The following RIMS2 variants were observed in gnomAD, a reference collection of about 807,000 sequenced individuals.
RIMS2 encodes regulating synaptic membrane exocytosis 2.
Under a neutral mutation model 174.4 loss-of-function variants are expected in RIMS2, and 59 were observed. That is an observed-to-expected ratio of 0.34 (90% CI 0.27 to 0.42). The LOEUF (loss-of-function observed/expected upper bound fraction) is 0.42, where lower values mean the gene tolerates loss of function less well. Ranked by LOEUF, RIMS2 falls within the 10% of genes least tolerant of loss-of-function variation. RIMS2 has a pLI of 1.00. For synonymous variants in RIMS2, 606 were observed against 572.5 expected, an observed-to-expected ratio of 1.06 and a Z score of -0.84; for missense variants, 1,620 against 1,666.3, an observed-to-expected ratio of 0.97 and a Z score of 0.48.
intron 19 of RIMS2, among the ~76,000 whole-genome samples, chr8:104,183,703 C>T (rs948518533): frequency 1.3e-5 from 2 of 151,528 alleles, no homozygotes; most frequent in East Asian, 1.9e-4. Context: ...CTGAACAGCT[C>T]ATCAGAGTAT....
intron 1 of RIMS2, among the ~76,000 whole-genome samples, chr8:103,655,933 T>C (rs1000030936): frequency 2.0e-5 from 3 of 152,114 alleles, no homozygotes; most frequent in African/African-American, 7.2e-5. Context: ...ACTTTATGTA[T>C]AAAGAACATA....
intron 3 of RIMS2, among the ~76,000 whole-genome samples, chr8:103,788,979 C>T (rs1317269599): frequency 6.6e-6 from 1 of 152,198 alleles, no homozygotes; most frequent in Admixed American, 6.5e-5. Context: ...CGTGGTGCGC[C>T]GTTTTTTAAG....
At chr8:103,523,585 T>C (rs913421874) in intron 1 of RIMS2, among the ~76,000 whole-genome samples, 4 of 152,102 alleles carry the variant, frequency 2.6e-5, no homozygotes, top group African/African-American at 9.7e-5. Flanking sequence ...ATACTGACAA[T>C]GTAAAGCAGG....
At chr8:103,658,445 A>G (rs2096557499) in intron 1 of RIMS2, among the ~76,000 whole-genome samples, 1 of 152,196 alleles carries the variant, frequency 6.6e-6, no homozygotes, top group Admixed American at 6.5e-5. Flanking sequence ...AGAAAGGAGG[A>G]GCAGAGATAC....
At chr8:104,208,622 A>T (rs562816148) in intron 19 of RIMS2, among the ~76,000 whole-genome samples, 4 of 152,176 alleles carry the variant, frequency 2.6e-5, no homozygotes, top group African/African-American at 7.2e-5. Flanking sequence ...TATCAGTATG[A>T]CATAACAAGA....
intron 19 of RIMS2, among the ~76,000 whole-genome samples, chr8:104,105,249 A>C (rs574000464): frequency 6.6e-6 from 1 of 152,296 alleles, no homozygotes; most frequent in Admixed American, 6.5e-5. Flanking sequence ...CATAAACTGC[A>C]AAGAAATTTA....
intron 2 of RIMS2, among the ~76,000 whole-genome samples, chr8:103,721,707 C>T (rs1161560936): frequency 6.6e-6 from 1 of 152,114 alleles, no homozygotes; most frequent in East Asian, 1.9e-4. Flanking sequence ...TCATGAATAC[C>T]ATTCCATCCA....
intron 3 of RIMS2, among the ~76,000 whole-genome samples, chr8:103,853,269 T>A (rs988162196): frequency 6.6e-6 from 1 of 151,172 alleles, no homozygotes; most frequent in Non-Finnish European, 1.5e-5. Context: ...ACTTTTTAAT[T>A]TTTTTTTGCT....
At chr8:104,211,095 A>C (rs2137696367) in intron 19 of RIMS2, among the ~76,000 whole-genome samples, 1 of 152,354 alleles carries the variant, frequency 6.6e-6, no homozygotes, top group Non-Finnish European at 1.5e-5. Context: ...ACATTAACTC[A>C]ACAAGATAAC....
intron 11 of RIMS2, among the ~76,000 whole-genome samples, chr8:103,928,664 T>C (rs2079258288): frequency 6.6e-6 from 1 of 151,306 alleles, no homozygotes; most frequent in African/African-American, 2.4e-5. Flanking sequence ...TTTTTAAAAT[T>C]AAATTATTCT....
At chr8:103,544,850 A>T (rs1844257268) in intron 1 of RIMS2, among the ~76,000 whole-genome samples, 2 of 152,218 alleles carry the variant, frequency 1.3e-5, no homozygotes, top group Admixed American at 1.3e-4. Context: ...ACCACAATCA[A>T]ACCATCAAGG....
chr8:103,720,570 A>G (rs933663120), intron 2 of RIMS2, among the ~76,000 whole-genome samples: 2 of 152,224 alleles, frequency 1.3e-5, no homozygotes, highest in Admixed American at 6.5e-5. Flanking sequence ...TCATAAAAAA[A>G]TCACAAGTTT....
rs141584831 is a variant in RIMS2 at position 103,534,281 on chromosome 8, C to T, written c.176+33219C>T. Among the ~76,000 whole-genome samples, 4 of 152,290 alleles carry T rather than the reference C, an allele frequency of 2.6e-5. No homozygotes were observed. In the East Asian group the frequency reaches 7.7e-4, roughly 29 times the overall value. On this transcript the variant is annotated intron_variant, in intron 1 of 23. Coordinates refer to ENST00000504942, the Ensembl canonical transcript of RIMS2. Reference sequence around the variant, plus strand: ...CTGTCAATAGTTAAGTAGTGAGCTCCTCATTCCCACACAGATTTTCAGTTG... The same window carrying T: ...CTGTCAATAGTTAAGTAGTGAGCTCTTCATTCCCACACAGATTTTCAGTTG...
intron 3 of RIMS2, among the ~76,000 whole-genome samples, chr8:103,823,486 T>G (rs1035727585): frequency 6.6e-6 from 1 of 151,980 alleles, no homozygotes; most frequent in African/African-American, 2.4e-5. Context: ...ATTATAAAAG[T>G]GAAATGTAAA....
chr8:104,155,357 C>A (rs1464371108), intron 19 of RIMS2, among the ~76,000 whole-genome samples: 5 of 150,490 alleles, frequency 3.3e-5, no homozygotes, highest in Non-Finnish European at 5.9e-5. Flanking sequence ...CTGCCCGCCT[C>A]GGCCTCCCAA....
At chr8:104,094,694 G>T (rs1319065440) in intron 19 of RIMS2, 2 of 694,138 alleles carry the variant, frequency 2.9e-6, no homozygotes, top group East Asian at 2.7e-5. Context: ...GGAATAAAGA[G>T]GATTTGCAAA....
At chr8:104,186,623 A>C (rs1305754036) in intron 19 of RIMS2, among the ~76,000 whole-genome samples, 1 of 151,718 alleles carries the variant, frequency 6.6e-6, no homozygotes, top group Non-Finnish European at 1.5e-5. Context: ...GAGGCTCTCC[A>C]TAGCCCTTCA....
chr8:104,028,239 G>T (rs2096300684), intron 19 of RIMS2, among the ~76,000 whole-genome samples: 1 of 152,018 alleles, frequency 6.6e-6, no homozygotes, highest in Admixed American at 6.6e-5. Flanking sequence ...TTGTGATGAA[G>T]ACTAGCTAGA....
chr8:103,608,431 ACTG>A (rs1161506207), intron 1 of RIMS2, among the ~76,000 whole-genome samples: 1 of 139,958 alleles, frequency 7.1e-6, no homozygotes, highest in Non-Finnish European at 1.6e-5. Context: ...TGCAGAGGTT[ACTG>A]CTGTCTTTTT....
Sources: gnomAD v4.1 joint callset for allele counts (sites outside exome capture counted in the v4.1 genomes callset) on GRCh38, gnomAD v4.1.1 for gene constraint, MANE v1.5 for transcripts, NCBI Gene and HGNC (gene_info 2026-07-23, HGNC 2026-07-21) for gene names.